The following NT5DC1 variants were observed in gnomAD, a reference collection of about 807,000 sequenced individuals.
NT5DC1 encodes 5'-nucleotidase domain containing 1, also known as 5'-nucleotidase domain-containing protein 1.
NT5DC1 carries 42 observed loss-of-function variants against 59.4 expected under a neutral mutation model. The observed-to-expected ratio is 0.71, with a 90% confidence interval of 0.55 to 0.92. The LOEUF (loss-of-function observed/expected upper bound fraction) is 0.92, where lower values mean the gene tolerates loss of function less well. NT5DC1 is among the 40% of genes least tolerant of loss of function. NT5DC1 has a pLI of 0.00. For synonymous variants in NT5DC1, 172 were observed against 188.1 expected (o/e 0.91, Z 0.70); for missense variants, 501 against 537.1 (o/e 0.93, Z 0.66).
chr6:116,136,715 T>C (rs991873153), intron 6 of NT5DC1, among the ~76,000 whole-genome samples: 5 of 152,198 alleles, frequency 3.3e-5, no homozygotes, highest in African/African-American at 9.6e-5. Flanking sequence ...TATGCTGTTA[T>C]CATGAGTTTG....
At chr6:116,152,645 A>G (rs780669024) in intron 6 of NT5DC1, among the ~76,000 whole-genome samples, 2 of 152,158 alleles carry the variant, frequency 1.3e-5, no homozygotes, top group South Asian at 2.1e-4. Context: ...TTTGAATGCT[A>G]TAAAACAAAA....
chr6:116,237,118 C>T, intron 9 of NT5DC1, 34 bp downstream of exon 9: 1 of 1,152,674 alleles, frequency 8.7e-7, no homozygotes, highest in Non-Finnish European at 1.3e-6. Flanking sequence ...CCTCAGTGCC[C>T]ACTTGCAGAC....
At chr6:116,188,058 T>C (rs997903938) in intron 6 of NT5DC1, among the ~76,000 whole-genome samples, 4 of 151,974 alleles carry the variant, frequency 2.6e-5, no homozygotes, top group East Asian at 1.9e-4. Context: ...AGTTTACAAA[T>C]AGGGAACTCT....
intron 6 of NT5DC1, among the ~76,000 whole-genome samples, chr6:116,180,069 T>C (rs1477016945): frequency 2.0e-5 from 3 of 152,116 alleles, no homozygotes; most frequent in Non-Finnish European, 4.4e-5. Flanking sequence ...TGTGTTGAAT[T>C]TATAATGATC....
chr6:116,179,365 T>G (rs1287155136), intron 6 of NT5DC1, among the ~76,000 whole-genome samples: 2 of 152,062 alleles, frequency 1.3e-5, no homozygotes, highest in Non-Finnish European at 2.9e-5. Context: ...GAATTGGGGT[T>G]TTAGCATTCA....
chr6:116,169,523 T>C (rs926498402), intron 6 of NT5DC1, among the ~76,000 whole-genome samples: 1 of 152,232 alleles, frequency 6.6e-6, no homozygotes, highest in Admixed American at 6.5e-5. Flanking sequence ...AAAATATATA[T>C]CTTAACAAGC....
At chr6:116,216,312 T>C (rs1340610465) in intron 6 of NT5DC1, among the ~76,000 whole-genome samples, 3 of 152,024 alleles carry the variant, frequency 2.0e-5, no homozygotes, top group African/African-American at 4.8e-5. Flanking sequence ...GTAAGAATTC[T>C]GGTTTTTATA....
At chr6:116,178,069 G>GCA (rs1780777266) in intron 6 of NT5DC1, among the ~76,000 whole-genome samples, 1 of 109,590 alleles carries the variant, frequency 9.1e-6, no homozygotes, top group African/African-American at 4.3e-5. Flanking sequence ...GTGTGTGTGT[G>GCA]TGTGTGTGTG....
chr6:116,162,190 G>A (rs1470196206), intron 6 of NT5DC1, among the ~76,000 whole-genome samples: 1 of 152,102 alleles, frequency 6.6e-6, no homozygotes, highest in African/African-American at 2.4e-5. Flanking sequence ...AATCATTTGG[G>A]TTTTTTAAAT....
At chr6:116,201,189 A>G (rs536143431) in intron 6 of NT5DC1, among the ~76,000 whole-genome samples, 44 of 152,150 alleles carry the variant, frequency 2.9e-4, no homozygotes, top group African/African-American at 9.6e-4. Flanking sequence ...TTGGAGGGAC[A>G]ATACATGAGC....
chr6:116,120,423 T>C, intron 6 of NT5DC1: 1 of 1,614,288 alleles, frequency 6.2e-7, no homozygotes, highest in South Asian at 1.1e-5. Context: ...GGAGTTCCTA[T>C]TGCTGGGTAA....
chr6:116,238,464 T>TAAAAAAAAAAA (rs56266433), intron 10 of NT5DC1, 116 bp downstream of exon 10: 1 of 248,834 alleles, frequency 4.0e-6, no homozygotes. Flanking sequence ...ACCATCATGT[T>TAAAAAAAAAAA]AAAAAAAAAA....
chr6:116,157,066 G>A (rs1330799083), intron 6 of NT5DC1, among the ~76,000 whole-genome samples: 1 of 152,120 alleles, frequency 6.6e-6, no homozygotes, highest in Non-Finnish European at 1.5e-5. Context: ...AAATAGACAT[G>A]GAGGGGAGGA....
chr6:116,182,132 G>A (rs1263077834), intron 6 of NT5DC1, among the ~76,000 whole-genome samples: 1 of 151,806 alleles, frequency 6.6e-6, no homozygotes, highest in Non-Finnish European at 1.5e-5. Context: ...CCATTCCTGA[G>A]TTACTTCACC....
intron 6 of NT5DC1, among the ~76,000 whole-genome samples, chr6:116,186,419 A>G (rs1018688714): frequency 3.3e-5 from 5 of 151,652 alleles, no homozygotes; most frequent in African/African-American, 7.3e-5. Flanking sequence ...TTGGATGCCT[A>G]GATCTCTAGC....
chr6:116,177,223 A>G lies in NT5DC1; in HGVS notation c.530-43831A>G, dbSNP rs73774217. Reference sequence around the variant, plus strand: ...AATACAAATAATTAAGTTTAGTCTCATAGATTATGTTTCTTTGCTATTTCC... The same window carrying G: ...AATACAAATAATTAAGTTTAGTCTCGTAGATTATGTTTCTTTGCTATTTCC... On this transcript the variant is annotated intron_variant, in intron 6 of 11. Coordinates refer to ENST00000319550, the MANE Select transcript of NT5DC1 (RefSeq NM_152729.3). 5.7e-3 allele frequency among the ~76,000 whole-genome samples: 866 copies of G among 152,288 alleles called. 17 individuals carry two copies. Among genetic ancestry groups the G allele is most frequent in the South Asian group, 0.046 (220 of 4,814 alleles).
At chr6:116,112,150 C>T (rs2114904511) in intron 4 of NT5DC1, among the ~76,000 whole-genome samples, 1 of 152,316 alleles carries the variant, frequency 6.6e-6, no homozygotes, top group South Asian at 2.1e-4. Flanking sequence ...TCATCTGGCA[C>T]TTACTTGGTC....
intron 5 of NT5DC1, 127 bp from the exon 6 acceptor site, chr6:116,117,734 A>T (rs1390003081): frequency 3.3e-6 from 2 of 603,652 alleles, no homozygotes; most frequent in Admixed American, 6.3e-5. Flanking sequence ...CCATTATAAA[A>T]TAAAAAAATT....
intron 7 of NT5DC1, 86 bp from the exon 8 acceptor site, chr6:116,222,948 A>G (rs1455095108): frequency 1.4e-6 from 1 of 714,824 alleles, no homozygotes; most frequent in Non-Finnish European, 2.4e-6. Flanking sequence ...GCTGTGGTAA[A>G]ATAGATAAGC....
Sources: allele counts gnomAD v4.1 joint callset (sites outside exome capture counted in the v4.1 genomes callset), GRCh38; gene constraint gnomAD v4.1.1; transcripts MANE v1.5; gene names NCBI Gene and HGNC (gene_info 2026-07-23, HGNC 2026-07-21).